The following LRMDA variants were observed in gnomAD, a reference collection of about 807,000 sequenced individuals.
LRMDA encodes the protein leucine rich melanocyte differentiation associated.
In LRMDA, 18 loss-of-function variants were observed where a neutral mutation model predicts 29.8. That is an observed-to-expected ratio of 0.60 (90% confidence interval 0.42 to 0.90). The LOEUF is 0.90. Among genes scored for constraint, LRMDA ranks in the 40% least tolerant of loss-of-function variants. The pLI, the probability that LRMDA is intolerant of heterozygous loss-of-function variation, is 0.00. For missense variants in LRMDA, 273 were observed against 273.9 expected (o/e 1.00, Z 0.02); for synonymous variants, 125 against 109.4 (o/e 1.14, Z -0.89).
intron 5 of LRMDA, among the ~76,000 whole-genome samples, chr10:76,202,204 C>T (rs1312943545): frequency 1.3e-5 from 2 of 152,162 alleles, no homozygotes; most frequent in Non-Finnish European, 2.9e-5. Context: ...GAGAAATCAC[C>T]AGGGACACAG....
At chr10:75,914,166 T>C (rs1845892184) in intron 2 of LRMDA, among the ~76,000 whole-genome samples, 1 of 152,098 alleles carries the variant, frequency 6.6e-6, no homozygotes, top group South Asian at 2.1e-4. Context: ...TCAAAAATAG[T>C]CAAAACACAT....
chr10:75,936,475 A>G (rs532080796), intron 2 of LRMDA, among the ~76,000 whole-genome samples: 2 of 152,280 alleles, frequency 1.3e-5, no homozygotes, highest in South Asian at 2.1e-4. Flanking sequence ...TTGCATATCT[A>G]TTTGTATATA....
intron 2 of LRMDA, among the ~76,000 whole-genome samples, chr10:75,763,698 ATTT>A (rs58980040): frequency 8.7e-4 from 123 of 141,888 alleles, no homozygotes; most frequent in East Asian, 3.3e-3. Flanking sequence ...AATCAGGACA[ATTT>A]TTTTTTTTTT....
intron 6 of LRMDA, among the ~76,000 whole-genome samples, chr10:76,480,094 T>TGAG (rs1491188734): frequency 6.6e-6 from 1 of 151,966 alleles, no homozygotes; most frequent in African/African-American, 2.4e-5. Context: ...ATAAGGAAAC[T>TGAG]GAGTCTCAGA....
chr10:75,750,007 G>A (rs1374365903), intron 2 of LRMDA, among the ~76,000 whole-genome samples: 3 of 152,202 alleles, frequency 2.0e-5, no homozygotes, highest in Non-Finnish European at 2.9e-5. Flanking sequence ...AGAACAAAAT[G>A]GAGTCAGGAT....
At chr10:76,044,584 G>A (rs949178174) in intron 3 of LRMDA, among the ~76,000 whole-genome samples, 1 of 151,954 alleles carries the variant, frequency 6.6e-6, no homozygotes, top group African/African-American at 2.4e-5. Context: ...TGAAGAGTAT[G>A]ATGATTGAAC....
chr10:76,488,602 A>G (rs1842805023), intron 6 of LRMDA, among the ~76,000 whole-genome samples: 1 of 151,900 alleles, frequency 6.6e-6, no homozygotes. Flanking sequence ...TAACTTTATT[A>G]AAAATAAAGC....
intron 6 of LRMDA, among the ~76,000 whole-genome samples, chr10:76,422,336 C>T (rs951472484): frequency 3.3e-5 from 5 of 151,930 alleles, no homozygotes; most frequent in Non-Finnish European, 5.9e-5. Flanking sequence ...GAGGCCCTGA[C>T]GTAAGATTTT....
chr10:75,991,964 C>G (rs995453694), intron 2 of LRMDA, among the ~76,000 whole-genome samples: 1 of 152,148 alleles, frequency 6.6e-6, no homozygotes, highest in African/African-American at 2.4e-5. Context: ...TCACAGAGAG[C>G]CAAGAAGCCA....
At chr10:76,100,613 G>C (rs1411757805) in intron 5 of LRMDA, among the ~76,000 whole-genome samples, 1 of 152,172 alleles carries the variant, frequency 6.6e-6, no homozygotes. Flanking sequence ...TGATAGTCCA[G>C]GTCTAGGATC....
At chr10:76,048,801 C>T (rs1848483645) in intron 4 of LRMDA, among the ~76,000 whole-genome samples, 1 of 152,144 alleles carries the variant, frequency 6.6e-6, no homozygotes. Context: ...TATTTTTTCT[C>T]ACTTCTTCAT....
chr10:76,429,353 T>A (rs142942360), intron 6 of LRMDA, among the ~76,000 whole-genome samples: 2 of 152,290 alleles, frequency 1.3e-5, no homozygotes, highest in African/African-American at 4.8e-5. Context: ...AATATGATAA[T>A]ATGTCTTCAT....
At chr10:75,974,415 G>A (rs1847034470) in intron 2 of LRMDA, among the ~76,000 whole-genome samples, 1 of 152,160 alleles carries the variant, frequency 6.6e-6, no homozygotes, top group Non-Finnish European at 1.5e-5. Flanking sequence ...CTACCTCTTA[G>A]TAAACCTGTG....
chr10:75,915,323 A>T (rs977928777), intron 2 of LRMDA, among the ~76,000 whole-genome samples: 3 of 151,936 alleles, frequency 2.0e-5, no homozygotes, highest in African/African-American at 7.2e-5. Flanking sequence ...TTTAGTAGAC[A>T]TGAGGTTTCA....
intron 5 of LRMDA, among the ~76,000 whole-genome samples, chr10:76,252,693 T>C (rs1589395170): frequency 6.6e-6 from 1 of 152,258 alleles, no homozygotes; most frequent in South Asian, 2.1e-4. Context: ...TTTTTCTGCC[T>C]GTCTTAAACT....
chr10:76,449,911 A>G (rs1350065846), intron 6 of LRMDA, among the ~76,000 whole-genome samples: 1 of 152,014 alleles, frequency 6.6e-6, no homozygotes, highest in Non-Finnish European at 1.5e-5. Context: ...CTGATTTTTA[A>G]AAATATATGA....
In LRMDA at chr10:76,404,830, C is replaced by T. The variant is rs190897887; in HGVS notation, c.601+80345C>T. Among the ~76,000 whole-genome samples the T allele has an allele frequency of 1.6e-4, 24 of 152,048 alleles. 1 individual carries two copies. In the Middle Eastern group the frequency reaches 0.01, roughly 65 times the overall value. On this transcript the variant is annotated intron_variant, in intron 6 of 6. Transcript: ENST00000611255. ...TTATCCTGGACCATGTGGGTGGGCC[C>T]GGTATGAAAACAAAAATCCTTATAA...
intron 2 of LRMDA, among the ~76,000 whole-genome samples, chr10:75,596,614 A>T (rs763277826): frequency 2.0e-5 from 3 of 152,122 alleles, no homozygotes; most frequent in African/African-American, 7.2e-5. Context: ...TTTAGCACAT[A>T]TGTCTAGTGA....
chr10:75,588,438 T>G (rs1367624564), intron 2 of LRMDA, among the ~76,000 whole-genome samples: 1 of 152,214 alleles, frequency 6.6e-6, no homozygotes, highest in Non-Finnish European at 1.5e-5. Flanking sequence ...AATTTTCCTT[T>G]CAGTCTAAGT....
Sources: gnomAD v4.1 joint callset for allele counts (sites outside exome capture counted in the v4.1 genomes callset) on GRCh38, gnomAD v4.1.1 for gene constraint, MANE v1.5 for transcripts, NCBI Gene and HGNC (gene_info 2026-07-23, HGNC 2026-07-21) for gene names.